Variants in ASGR2 observed in about 807,000 individuals in gnomAD.
ASGR2 encodes C-type lectin domain family 4 member H2.
A neutral mutation model predicts 32.3 loss-of-function variants in ASGR2; 34 were observed. The observed-to-expected ratio is 1.05, with a 90% CI of 0.80 to 1.40. The LOEUF (loss-of-function observed/expected upper bound fraction) is 1.40, where lower values mean the gene tolerates loss of function less well. ASGR2 is among the 40% of genes most tolerant of loss of function. The pLI, the probability that ASGR2 is intolerant of heterozygous loss-of-function variation, is 0.00. For synonymous variants in ASGR2, 143 were observed against 150.0 expected (o/e 0.95, Z 0.34); for missense variants, 385 against 386.4 (o/e 1.00, Z 0.03).
At chr17:7,104,040 A>G (rs1913239293) in intron 7 of ASGR2, among the ~76,000 whole-genome samples, 1 of 150,510 alleles carries the variant, frequency 6.6e-6, no homozygotes, top group East Asian at 1.9e-4. Flanking sequence ...GGAAATGAAA[A>G]GTTTGAGCTA....
Position 7,107,737 on chromosome 17 carries a change from G to A in ASGR2, c.409+99C>T, listed in dbSNP as rs779770481. 3.0e-5 allele frequency: 40 copies of A among 1,340,512 alleles called. 1 individual carries two copies. The highest frequency in any genetic ancestry group is 1.0e-4 in the African/African-American group (7 of 68,608). 83.0% of individuals were successfully genotyped at this position (1,340,512 alleles called of 1,614,324 possible). The stretch of plus-strand genomic sequence containing the variant: ...CTTGCAGGCACACACACGCACGCAC[G>A]CACACGTGCACACTACACACACCGC... On this transcript the variant is annotated intron_variant, in intron 5 of 8. Coordinates refer to ENST00000691900, the MANE Select transcript of ASGR2 (RefSeq NM_001201352.2). This position sits in a 1 kb window ranked among gnomAD's most constrained non-coding sequence, Gnocchi z 5.0.
At chr17:7,110,593 C>G (rs1914497747) in intron 2 of ASGR2, among the ~76,000 whole-genome samples, 1 of 152,240 alleles carries the variant, frequency 6.6e-6, no homozygotes, top group South Asian at 2.1e-4. Flanking sequence ...TTTCTCCATG[C>G]TTCCATTTTC....
At chr17:7,104,871 G>C (rs146870660) in intron 7 of ASGR2, among the ~76,000 whole-genome samples, 78 of 151,034 alleles carry the variant, frequency 5.2e-4, no homozygotes, top group African/African-American at 1.9e-3. Flanking sequence ...AGCTACTCGG[G>C]ATACTAAGAC....
At position 7,108,740 on chromosome 17, in the gene ASGR2, TG is replaced by T; in HGVS notation, c.241+31del. On this transcript the variant is annotated intron_variant, in intron 3 of 8. Coordinates refer to ENST00000691900, the MANE Select transcript of ASGR2 (RefSeq NM_001201352.2). This position sits in a 1 kb window ranked among gnomAD's most constrained non-coding sequence, Gnocchi z 4.9. Reference sequence around the variant, plus strand: ...TGCCCATGTCTCTTTCCCTACCCCTTGCCCATCCCTGCTGGCCCCCGTGACC... The same window carrying T: ...TGCCCATGTCTCTTTCCCTACCCCTTCCCATCCCTGCTGGCCCCCGTGACC... 1 of 1,613,960 alleles carries T rather than the reference TG, an allele frequency of 6.2e-7. No individual in the cohort carries two copies. The highest frequency in any genetic ancestry group is 1.3e-5 in the African/African-American group (1 of 75,012).
intron 2 of ASGR2, among the ~76,000 whole-genome samples, chr17:7,110,852 G>A (rs996983866): frequency 6.6e-5 from 10 of 152,150 alleles, no homozygotes; most frequent in African/African-American, 2.4e-4. Flanking sequence ...GGGATAAGAA[G>A]CAAACAACAG....
chr17:7,114,173 C>T lies in ASGR2; in HGVS notation c.68G>A (p.Gly23Asp). The change falls in exon 2 of 9, where the codon GGT becomes GAT. Residue 23 changes from glycine (G) to aspartate (D), a missense_variant. Physicochemically the swap from Gly to Asp is moderately conservative, Grantham distance 94. Transcript: ENST00000691900. The surrounding 1 kb of genome is among the most constrained non-coding windows in gnomAD (Gnocchi z 4.5). ...CAGCCTGCGAGTGCCTGGCCCCTCA[C>T]CTTGATGGAAAGGATGGTCATTTTC... ...SEENDHPFHQ[G>D]EGPGTRRLNP... 2 of 1,614,222 alleles carry T rather than the reference C, an allele frequency of 1.2e-6. No individual in the cohort carries two copies. Among genetic ancestry groups the T allele is most frequent in the Non-Finnish European group, 1.7e-6 (2 of 1,180,036 alleles).
At chr17:7,106,011 ACTC>A (rs1913622189) in intron 7 of ASGR2, among the ~76,000 whole-genome samples, 1 of 151,662 alleles carries the variant, frequency 6.6e-6, no homozygotes, top group Non-Finnish European at 1.5e-5. Flanking sequence ...CTGGTCTCGA[ACTC>A]CTGACTTCAT....
chr17:7,109,869 A>G (rs1052143672), intron 2 of ASGR2, among the ~76,000 whole-genome samples: 7 of 151,860 alleles, frequency 4.6e-5, no homozygotes, highest in Non-Finnish European at 4.4e-5. Flanking sequence ...TCACACACCC[A>G]CGTCTTCCTG....
At chr17:7,111,580 C>T (rs905070736) in intron 2 of ASGR2, among the ~76,000 whole-genome samples, 11 of 150,694 alleles carry the variant, frequency 7.3e-5, no homozygotes, top group Non-Finnish European at 1.5e-4. Context: ...GGCATGAACC[C>T]GGGAGGCAGA....
chr17:7,112,808 C>G (rs1325930726), intron 2 of ASGR2, among the ~76,000 whole-genome samples: 2 of 151,984 alleles, frequency 1.3e-5, no homozygotes, highest in Non-Finnish European at 2.9e-5. Flanking sequence ...CTAACCAATC[C>G]CCTTCCTAAG....
rs1915214630 is a variant in ASGR2, at chr17:7,114,418, T to G, written c.-70-108A>C. 2.1e-6 allele frequency: 3 copies of G among 1,430,518 alleles called. No homozygotes were observed. The highest frequency in any genetic ancestry group is 2.9e-5 in the African/African-American group (2 of 69,554). 88.6% of individuals were successfully genotyped at this position (1,430,518 alleles called of 1,614,324 possible). A position where few individuals can be genotyped will look rare whatever the true frequency, so the allele number is the denominator to read the frequency against. ...TAGGATCTGAGGTTGGCAGGGCGTT[T>G]GGGATGAGGTTTGAAATCCCGCTGG... is the stretch of plus-strand genomic sequence containing the variant. On this transcript the variant is annotated intron_variant, in intron 1 of 8. Transcript: ENST00000691900. This position sits in a 1 kb window ranked among gnomAD's most constrained non-coding sequence, Gnocchi z 4.5.
At position 7,108,045 on chromosome 17, in the gene ASGR2, G is replaced by A; in HGVS notation, c.338-138C>T. The A allele has an allele frequency of 4.6e-6, 4 of 878,484 alleles. No individual in the cohort carries two copies. The highest frequency in any genetic ancestry group is 7.0e-6 in the Non-Finnish European group (4 of 569,624). The allele number at this position is 878,484 out of a possible 1,614,324, so 54.4% of individuals were successfully genotyped here. ...TTCCTGGACCACACCCAGGCTCCCT[G>A]CACTGCCACAGTGGCTCAGGCCACT... On this transcript the variant is annotated intron_variant, in intron 4 of 8. Coordinates refer to ENST00000691900, the MANE Select transcript of ASGR2 (RefSeq NM_001201352.2). This position sits in a 1 kb window ranked among gnomAD's most constrained non-coding sequence, Gnocchi z 4.9.
At position 7,107,647 on chromosome 17, in the gene ASGR2, ACACACCACACACAGATCCATGACATAT is replaced by A. The variant is rs1913966660; in HGVS notation, c.409+162_409+188del. ...ACAACACACACATATACACCACACT[ACACACCACACACAGATCCATGACATAT>A]CACACCACACATACGGAGAGAGACA... On this transcript the variant is annotated intron_variant, in intron 5 of 8. Coordinates refer to ENST00000691900, the MANE Select transcript of ASGR2 (RefSeq NM_001201352.2). The surrounding 1 kb of genome is among the most constrained non-coding windows in gnomAD (Gnocchi z 5.0). 3 of 764,856 alleles carry A rather than the reference ACACACCACACACAGATCCATGACATAT, an allele frequency of 3.9e-6. No homozygotes were observed. Among genetic ancestry groups the A allele is most frequent in the Admixed American group, 2.1e-5 (1 of 47,036 alleles). 47.4% of individuals were successfully genotyped at this position (764,856 alleles called of 1,614,324 possible).
upstream of ASGR2, chr17:7,115,015 T>C: frequency 2.0e-6 from 2 of 985,674 alleles, no homozygotes; most frequent in Non-Finnish European, 2.4e-6. This position sits in a 1 kb window ranked among gnomAD's most constrained non-coding sequence, Gnocchi z 4.2. Flanking sequence ...GCCGTTTCCC[T>C]CTCTCCCTCC....
At chr17:7,109,977 C>T (rs1378106571) in intron 2 of ASGR2, among the ~76,000 whole-genome samples, 4 of 152,128 alleles carry the variant, frequency 2.6e-5, no homozygotes, top group African/African-American at 9.7e-5. Context: ...CACCTGCAAA[C>T]AGAACACCTT....
chr17:7,107,494 A>G lies in ASGR2; in HGVS notation c.410-177T>C. On this transcript the variant is annotated intron_variant, in intron 5 of 8. Coordinates refer to ENST00000691900, the MANE Select transcript of ASGR2 (RefSeq NM_001201352.2). This position sits in a 1 kb window ranked among gnomAD's most constrained non-coding sequence, Gnocchi z 5.0. ...ACACCACACATAGACCACACCACAC[A>G]CAGATCCATCACACACACACAAACA... 1 of 683,358 alleles carries G rather than the reference A, an allele frequency of 1.5e-6. No homozygotes were observed. Among genetic ancestry groups the G allele is most frequent in the Non-Finnish European group, 2.5e-6 (1 of 396,424 alleles). The allele number at this position is 683,358 out of a possible 1,614,324, so 42.3% of individuals were successfully genotyped here.
In ASGR2 at chr17:7,114,677, G is replaced by T. The variant is rs991410077; in HGVS notation, c.-133C>A. On this transcript the variant is annotated 5_prime_UTR_variant, in exon 1 of 9. Transcript: ENST00000691900. The surrounding 1 kb of genome is among the most constrained non-coding windows in gnomAD (Gnocchi z 4.5). Reference sequence around the variant, plus strand: ...AGGCAACCCTGGCCTTGGCCAAGGAGGGGTTAAAGCCAGGAGAACTGGGGC... The same window carrying T: ...AGGCAACCCTGGCCTTGGCCAAGGATGGGTTAAAGCCAGGAGAACTGGGGC... 9.8e-6 allele frequency: 10 copies of T among 1,024,964 alleles called. No homozygotes were observed. The highest frequency in any genetic ancestry group is 1.2e-5 in the Non-Finnish European group (10 of 853,606). The allele number at this position is 1,024,964 out of a possible 1,614,324, so 63.5% of individuals were successfully genotyped here. A position where few individuals can be genotyped will look rare whatever the true frequency, so the allele number is the denominator to read the frequency against.
At chr17:7,109,822 CCACA>C (rs747055562) in intron 2 of ASGR2, among the ~76,000 whole-genome samples, 3 of 151,866 alleles carry the variant, frequency 2.0e-5, no homozygotes, top group South Asian at 2.1e-4. Context: ...ATACTCCCTC[CCACA>C]CACACACACC....
chr17:7,106,701 A>G (rs932769942), intron 7 of ASGR2, among the ~76,000 whole-genome samples: 2 of 152,042 alleles, frequency 1.3e-5, no homozygotes, highest in Non-Finnish European at 2.9e-5. Context: ...CAGGAGTTCC[A>G]GACCAGCCTG....
Sources: gnomAD v4.1 joint callset for allele counts (sites outside exome capture counted in the v4.1 genomes callset) on GRCh38, gnomAD v4.1.1 for gene constraint, Gnocchi (gnomAD v3.1) non-coding constraint, MANE v1.5 for transcripts, NCBI Gene and HGNC (gene_info 2026-07-23, HGNC 2026-07-21) for gene names.